ERMN: variants seen among roughly 807,000 people sequenced by gnomAD.
ERMN encodes the protein ermin, ERM-like protein.
A neutral mutation model predicts 21.4 loss-of-function variants in ERMN; 17 were observed. The ratio of observed to expected loss-of-function variants is 0.80; its 90% CI spans 0.54 to 1.19. The LOEUF (loss-of-function observed/expected upper bound fraction) is 1.19, where lower values mean the gene tolerates loss of function less well. Ranked by LOEUF, ERMN falls within the 50% of genes most tolerant of loss-of-function variation. The pLI is 0.00. For missense variants in ERMN, 348 were observed against 331.6 expected, an observed-to-expected ratio of 1.05 and a Z score of -0.38; for synonymous variants, 115 against 111.9, an observed-to-expected ratio of 1.03 and a Z score of -0.17.
At chr2:157,326,398 A>G (rs961012601), upstream of ERMN, among the ~76,000 whole-genome samples, 10 of 152,248 alleles carry the variant, frequency 6.6e-5, no homozygotes, top group Admixed American at 2.0e-4. Flanking sequence ...ATAATTTCAG[A>G]GTAATTTACT....
chr2:157,322,332 A>G (rs1459938615), intron 2 of ERMN, among the ~76,000 whole-genome samples: 1 of 152,178 alleles, frequency 6.6e-6, no homozygotes, highest in Non-Finnish European at 1.5e-5. Context: ...CCAATACTGA[A>G]AATGATGACT....
intron 1 of ERMN, 40 bp from the exon 2 acceptor site, chr2:157,324,802 A>G (rs1297074330): frequency 1.4e-6 from 2 of 1,410,622 alleles, no homozygotes; most frequent in Non-Finnish European, 2.0e-6. Context: ...AACATTTAAA[A>G]TATTTATTGT....
rs946132094 is a variant in ERMN, at chr2:157,321,603, G to C, written c.523C>G (p.His175Asp). The C allele has an allele frequency of 3.7e-6, 6 of 1,613,934 alleles. No individual in the cohort carries two copies. In the East Asian group the frequency reaches 1.3e-4, roughly 36 times the overall value. ...PSQADMLHSK[H>D]DEEQKVWDEE... ...TCCCAAACCTTCTGCTCCTCATCAT[G>C]TTTAGAATGTAACATGTCAGCTTGG... The change falls in exon 3 of 3, where the codon CAT (histidine) becomes GAT (aspartate). Residue 175 changes from histidine (H) to aspartate (D), a missense_variant. Physicochemically the swap from His to Asp is moderately conservative, Grantham distance 81. Transcript: ENST00000410096.
chr2:157,321,234 C>T lies in ERMN; in HGVS notation c.*37G>A. ...CCTGGGGCAATAGAATTAGCTTTTC[C>T]TTTAGTGGGCATGAGAATTTCTCAG... On this transcript the variant is annotated 3_prime_UTR_variant, in exon 3 of 3. Coordinates refer to ENST00000410096, the MANE Select transcript of ERMN (RefSeq NM_020711.3). 6.3e-7 allele frequency: 1 copy of T among 1,583,822 alleles called. No individual in the cohort carries two copies. The highest frequency in any genetic ancestry group is 1.2e-5 in the South Asian group (1 of 86,266).
Position 157,321,265 on chromosome 2 carries a change from G to C in ERMN, c.*6C>G. 6.2e-7 allele frequency: 1 copy of C among 1,608,304 alleles called. No individual in the cohort carries two copies. Among genetic ancestry groups the C allele is most frequent in the Non-Finnish European group, 8.5e-7 (1 of 1,176,498 alleles). On this transcript the variant is annotated 3_prime_UTR_variant, in exon 3 of 3. Transcript: ENST00000410096. ...TGGGCATGAGAATTTCTCAGTTCCA[G>C]TTAGTTTATAAATGCATCATAGACT...
At chr2:157,327,421 T>C (rs1684093587), upstream of ERMN, 4 of 776,836 alleles carry the variant, frequency 5.1e-6, no homozygotes, top group South Asian at 5.4e-5. Flanking sequence ...ATATCACACT[T>C]ATTATGTGCA....
Position 157,324,657 on chromosome 2 carries a change from T to C in ERMN, c.334+13A>G. 6.3e-7 allele frequency: 1 copy of C among 1,588,468 alleles called. No homozygotes were observed. The highest frequency in any genetic ancestry group is 8.6e-7 in the Non-Finnish European group (1 of 1,157,492). On this transcript the variant is annotated intron_variant, in intron 2 of 2. Coordinates refer to ENST00000410096, the MANE Select transcript of ERMN (RefSeq NM_020711.3). ...CAAACAATTTCTGTGTACAAAACTG[T>C]AGTTCTTGTTACCTTCTCTGAATGT...
chr2:157,322,192 C>T (rs1683927453), intron 2 of ERMN, among the ~76,000 whole-genome samples: 1 of 151,680 alleles, frequency 6.6e-6, no homozygotes, highest in Non-Finnish European at 1.5e-5. Context: ...GATACGTGCA[C>T]ATGTAAAAGG....
Position 157,320,209 on chromosome 2 carries a change from A to C in ERMN, c.*1062T>G, listed in dbSNP as rs1234908046. 1 of 152,586 alleles carries C rather than the reference A, an allele frequency of 6.6e-6. No homozygotes were observed. The highest frequency in any genetic ancestry group is 2.4e-5 in the African/African-American group (1 of 41,444). The allele number at this position is 152,586 out of a possible 1,614,324, so 9.5% of individuals were successfully genotyped here. A position where few individuals can be genotyped will look rare whatever the true frequency, so the allele number is the denominator to read the frequency against. Reference sequence around the variant, plus strand: ...CACAAGTACAATTTTAAGCATCTTGATTTGGGCTGAGGTCCAGTAAATTAT... The same window carrying C: ...CACAAGTACAATTTTAAGCATCTTGCTTTGGGCTGAGGTCCAGTAAATTAT... On this transcript the variant is annotated 3_prime_UTR_variant, in exon 3 of 3. Transcript: ENST00000410096.
Position 157,321,549 on chromosome 2 carries a change from TATCATC to T in ERMN, c.571_576del (p.Asp191_Asp192del). On this transcript the variant is annotated inframe_deletion, in exon 3 of 3. Coordinates refer to ENST00000410096, the MANE Select transcript of ERMN (RefSeq NM_020711.3). The stretch of plus-strand genomic sequence containing the variant: ...ACTTCATCTTCATCATTATTGCAAT[TATCATC>T]ATCATCATCATCAATTTCTTCATCC... 1 of 1,612,942 alleles carries T rather than the reference TATCATC, an allele frequency of 6.2e-7. No homozygotes were observed. The highest frequency in any genetic ancestry group is 8.5e-7 in the Non-Finnish European group (1 of 1,179,058).
rs902427553 is a variant in ERMN at position 157,319,323 on chromosome 2, A to G, written c.*1948T>C. The G allele has an allele frequency of 2.6e-5, 4 of 152,166 alleles. No homozygotes were observed. Among genetic ancestry groups the G allele is most frequent in the East Asian group, 1.9e-4 (1 of 5,206 alleles). 9.4% of individuals were successfully genotyped at this position (152,166 alleles called of 1,614,324 possible). A position where few individuals can be genotyped will look rare whatever the true frequency, so the allele number is the denominator to read the frequency against. ...GCACAGAGCTAAGAGGACCAGCGTT[A>G]GCATATATTAGAGTCCCTTAAGAGG... On this transcript the variant is annotated 3_prime_UTR_variant, in exon 3 of 3. Coordinates refer to ENST00000410096, the MANE Select transcript of ERMN (RefSeq NM_020711.3).
At chr2:157,325,216 A>G (rs915526021) in intron 1 of ERMN, 186 bp downstream of exon 1, 1 of 812,808 alleles carries the variant, frequency 1.2e-6, no homozygotes, top group Non-Finnish European at 2.1e-6. Context: ...GTCTGGGGTC[A>G]CAGCTGTCAA....
Position 157,319,875 on chromosome 2 carries a change from G to A in ERMN, c.*1396C>T, listed in dbSNP as rs1373611004. On this transcript the variant is annotated 3_prime_UTR_variant, in exon 3 of 3. Coordinates refer to ENST00000410096, the MANE Select transcript of ERMN (RefSeq NM_020711.3). ...AAGAAGTTGTCATTAGAATATGTGG[G>A]ATTTATGTTACACATAAATAAGCAG... The A allele has an allele frequency of 6.6e-6, 1 of 152,076 alleles. No individual in the cohort carries two copies. Among genetic ancestry groups the A allele is most frequent in the Non-Finnish European group, 1.5e-5 (1 of 67,996 alleles). The allele number at this position is 152,076 out of a possible 1,614,324, so 9.4% of individuals were successfully genotyped here.
chr2:157,322,155 A>T (rs1683926401), intron 2 of ERMN, among the ~76,000 whole-genome samples: 1 of 152,102 alleles, frequency 6.6e-6, no homozygotes. Flanking sequence ...TTAAAAAAAA[A>T]AATTCTTGTC....
At chr2:157,326,000 C>A, upstream of ERMN, 1 of 1,049,656 alleles carries the variant, frequency 9.5e-7, no homozygotes, top group Middle Eastern at 4.3e-4. Context: ...TAGAGAGGGA[C>A]TTTCAGCTTG....
rs1683879784 is a variant in ERMN at position 157,321,118 on chromosome 2, G to C, written c.*153C>G. On this transcript the variant is annotated 3_prime_UTR_variant, in exon 3 of 3. Coordinates refer to ENST00000410096, the MANE Select transcript of ERMN (RefSeq NM_020711.3). ...GGTTATCAGACTGAATTTTTATCTAGGGTTATTTCCACATTATTCTACAGT... is the reference window on the plus strand; with the variant it reads ...GGTTATCAGACTGAATTTTTATCTACGGTTATTTCCACATTATTCTACAGT... 1 of 1,157,130 alleles carries C rather than the reference G, an allele frequency of 8.6e-7. No individual in the cohort carries two copies. The highest frequency in any genetic ancestry group is 1.7e-5 in the South Asian group (1 of 59,132). The allele number at this position is 1,157,130 out of a possible 1,614,324, so 71.7% of individuals were successfully genotyped here.
Position 157,325,507 on chromosome 2 carries a change from C to T in ERMN, c.136G>A (p.Glu46Lys). Residue 46 changes from glutamate to lysine, a missense_variant, in exon 1 of 3, where the codon GAA becomes AAA. By Grantham distance (56) the Glu-to-Lys change is moderately conservative. Coordinates refer to ENST00000410096, the MANE Select transcript of ERMN (RefSeq NM_020711.3). The part of the protein sequence containing the change: ...VDSPLPHYRV[E>K]PSLEGALTKG... ...GTGAGTGCACCTTCCAGACTGGGTT[C>T]TACCCTGTAGTGTGGCAGGGGGCTG... The T allele has an allele frequency of 1.2e-6, 2 of 1,614,186 alleles. No individual in the cohort carries two copies. Among genetic ancestry groups the T allele is most frequent in the Non-Finnish European group, 1.7e-6 (2 of 1,180,026 alleles).
At chr2:157,322,900 G>C (rs1683949447) in intron 2 of ERMN, among the ~76,000 whole-genome samples, 1 of 152,182 alleles carries the variant, frequency 6.6e-6, no homozygotes, top group Non-Finnish European at 1.5e-5. Context: ...ACCAAAGTAA[G>C]TGATATTTTG....
upstream of ERMN, chr2:157,327,616 A>G: frequency 1.5e-6 from 1 of 659,920 alleles, no homozygotes; most frequent in Non-Finnish European, 2.8e-6. Flanking sequence ...AGCACAGATG[A>G]AGCTAAGCGC....
Sources: gnomAD v4.1 joint callset for allele counts (sites outside exome capture counted in the v4.1 genomes callset) on GRCh38, gnomAD v4.1.1 for gene constraint, MANE v1.5 for transcripts, NCBI Gene and HGNC (gene_info 2026-07-23, HGNC 2026-07-21) for gene names.